Variants in SDK1 observed in about 807,000 individuals in gnomAD.
SDK1 encodes the protein protein sidekick-1.
In SDK1, 157 loss-of-function variants were observed where a neutral mutation model predicts 245.5. The observed-to-expected ratio is 0.64, with a 90% confidence interval of 0.56 to 0.73. The LOEUF is 0.73. Ranked by LOEUF, SDK1 falls within the 30% of genes least tolerant of loss-of-function variation. The pLI, the probability that SDK1 is intolerant of heterozygous loss-of-function variation, is 0.00. For synonymous variants in SDK1, 1,647 were observed against 1,278.5 expected (o/e 1.29, Z -6.15); for missense variants, 3,583 against 3,002.3 (o/e 1.19, Z -4.52).
Position 4,013,551 on chromosome 7 carries a change from C to T in SDK1, c.2420+1316C>T, listed in dbSNP as rs76030053. ...TGTGAGAAATTGGGAAATGTTGCAT[C>T]TTCAGCTTCATTATCCTTGTGTATG... is the stretch of plus-strand genomic sequence containing the variant. On this transcript the variant is annotated intron_variant, in intron 16 of 44. Transcript: ENST00000404826. Among the ~76,000 whole-genome samples, 1,523 of 152,314 alleles carry T rather than the reference C, an allele frequency of 1.0e-2. 20 individuals are homozygous for T. Among genetic ancestry groups the T allele is most frequent in the African/African-American group, 0.034 (1,433 of 41,546 alleles).
intron 1 of SDK1, among the ~76,000 whole-genome samples, chr7:3,451,461 A>T (rs570073017): frequency 6.6e-6 from 1 of 152,224 alleles, no homozygotes; most frequent in East Asian, 1.9e-4. Flanking sequence ...GGGGACTTGG[A>T]CACGGGGAAG....
At chr7:3,585,577 G>A (rs1187917952) in intron 1 of SDK1, among the ~76,000 whole-genome samples, 4 of 152,086 alleles carry the variant, frequency 2.6e-5, no homozygotes, top group Non-Finnish European at 5.9e-5. Flanking sequence ...AAGAGGAAGA[G>A]GGTCATGAAG....
intron 35 of SDK1, among the ~76,000 whole-genome samples, chr7:4,184,626 A>T (rs909374402): frequency 2.0e-5 from 3 of 152,232 alleles, no homozygotes; most frequent in African/African-American, 7.2e-5. Context: ...GTGATACTTA[A>T]ATCTGTTTAA....
intron 5 of SDK1, among the ~76,000 whole-genome samples, chr7:3,846,786 C>A (rs1370249306): frequency 6.6e-6 from 1 of 152,120 alleles, no homozygotes; most frequent in Non-Finnish European, 1.5e-5. Context: ...ACCCCTGGTT[C>A]CTATCAGGAG....
intron 4 of SDK1, among the ~76,000 whole-genome samples, chr7:3,770,997 G>A (rs1447803666): frequency 6.6e-6 from 1 of 152,176 alleles, no homozygotes; most frequent in African/African-American, 2.4e-5. Flanking sequence ...ATGAGCCTCT[G>A]AATTGGCTGG....
chr7:4,152,822 A>G (rs1442385456), intron 30 of SDK1, among the ~76,000 whole-genome samples: 1 of 152,190 alleles, frequency 6.6e-6, no homozygotes, highest in African/African-American at 2.4e-5. Context: ...AAGAGTTTAA[A>G]TGTCTCAATT....
At chr7:4,136,114 C>T (rs899586140) in intron 28 of SDK1, among the ~76,000 whole-genome samples, 1 of 152,176 alleles carries the variant, frequency 6.6e-6, no homozygotes, top group East Asian at 1.9e-4. Flanking sequence ...TTTGAGCCCT[C>T]CAACCGTGCT....
At position 3,675,576 on chromosome 7, in the gene SDK1, TTTG is replaced by T. The variant is rs1783866998; in HGVS notation, c.713+33474_713+33476del. Among the ~76,000 whole-genome samples the T allele has an allele frequency of 4.6e-5, 7 of 150,886 alleles. No homozygotes were observed. In the South Asian group the frequency reaches 1.0e-3, roughly 22 times the overall value. On this transcript the variant is annotated intron_variant, in intron 4 of 44. Transcript: ENST00000404826. ...CTACTCCTTTTTGTTTGTTTGTTTG[TTTG>T]TTTGTTTGTAAAGAGATGAGGTCTT...
At chr7:3,959,635 C>T (rs1781521993) in intron 8 of SDK1, among the ~76,000 whole-genome samples, 1 of 152,208 alleles carries the variant, frequency 6.6e-6, no homozygotes, top group African/African-American at 2.4e-5. Context: ...GCACATGTGA[C>T]TTAGCACCCA....
rs1227188206 is a variant in SDK1 at position 3,371,996 on chromosome 7, A to G, written c.298+70112A>G. ...TTGTCTCAGGTATCTTGTCTATTAA[A>G]TGCTAGGAATCTGTAAGGCTGTGGT... On this transcript the variant is annotated intron_variant, in intron 1 of 44. Transcript: ENST00000404826. Among the ~76,000 whole-genome samples the G allele has an allele frequency of 2.0e-5, 3 of 152,338 alleles. No homozygotes were observed. In the South Asian group the frequency reaches 6.2e-4, roughly 32 times the overall value.
intron 4 of SDK1, among the ~76,000 whole-genome samples, chr7:3,659,804 G>A (rs1174042440): frequency 1.3e-5 from 2 of 152,246 alleles, no homozygotes; most frequent in African/African-American, 2.4e-5. Context: ...CAGCCCAGAT[G>A]AAGACAGGGT....
At chr7:3,944,549 A>T (rs1212857681) in intron 5 of SDK1, among the ~76,000 whole-genome samples, 1 of 152,238 alleles carries the variant, frequency 6.6e-6, no homozygotes, top group African/African-American at 2.4e-5. Flanking sequence ...TATATCTCAG[A>T]TATGCAAATA....
intron 30 of SDK1, among the ~76,000 whole-genome samples, chr7:4,153,806 A>G (rs1780547106): frequency 6.6e-6 from 1 of 151,952 alleles, no homozygotes; most frequent in African/African-American, 2.4e-5. Context: ...CCTCCCGGGT[A>G]GCTAAGACTA....
chr7:3,353,437 TA>T (rs150015376), intron 1 of SDK1, among the ~76,000 whole-genome samples: 1 of 152,036 alleles, frequency 6.6e-6, no homozygotes, highest in African/African-American at 2.4e-5. Flanking sequence ...CCATAATTTC[TA>T]AAAAAAATTC....
At chr7:3,700,181 C>T (rs1483218486) in intron 4 of SDK1, among the ~76,000 whole-genome samples, 1 of 152,126 alleles carries the variant, frequency 6.6e-6, no homozygotes, top group Non-Finnish European at 1.5e-5. Context: ...TTCTATAATA[C>T]CTACCCTTAA....
chr7:3,848,179 CATAA>C (rs1264948110), intron 5 of SDK1, among the ~76,000 whole-genome samples: 1 of 152,188 alleles, frequency 6.6e-6, no homozygotes, highest in Non-Finnish European at 1.5e-5. Context: ...TTACAAACTT[CATAA>C]ATAATTATTA....
chr7:3,900,938 C>G (rs1781766695), intron 5 of SDK1, among the ~76,000 whole-genome samples: 2 of 151,612 alleles, frequency 1.3e-5, no homozygotes, highest in South Asian at 4.1e-4. Context: ...TCAAATGTGC[C>G]TAATTGTAGC....
At chr7:3,447,609 T>C (rs1437801632) in intron 1 of SDK1, among the ~76,000 whole-genome samples, 3 of 152,100 alleles carry the variant, frequency 2.0e-5, no homozygotes, top group Admixed American at 1.3e-4. Context: ...AGTTATTGCA[T>C]ATTGATGTAC....
chr7:3,471,661 T>C (rs1014545883), intron 1 of SDK1, among the ~76,000 whole-genome samples: 1 of 152,198 alleles, frequency 6.6e-6, no homozygotes, highest in Non-Finnish European at 1.5e-5. Flanking sequence ...TTCAGATCCA[T>C]AGGCCAGCTT....
Sources: allele counts gnomAD v4.1 joint callset (sites outside exome capture counted in the v4.1 genomes callset), GRCh38; gene constraint gnomAD v4.1.1; transcripts MANE v1.5; gene names NCBI Gene and HGNC (gene_info 2026-07-23, HGNC 2026-07-21).